The following LAMA2 variants were observed in gnomAD, a reference collection of about 807,000 sequenced individuals.
The protein encoded by LAMA2 is laminin subunit alpha-2.
A neutral mutation model predicts 364.8 loss-of-function variants in LAMA2; 269 were observed. The observed-to-expected ratio is 0.74, with a 90% CI of 0.67 to 0.82. LAMA2 has a LOEUF of 0.82. Among genes scored for constraint, LAMA2 ranks in the 40% least tolerant of loss-of-function variants. The pLI, the probability that LAMA2 is intolerant of heterozygous loss-of-function variation, is 0.00. For synonymous variants in LAMA2, 1,379 were observed against 1,370.6 expected, an observed-to-expected ratio of 1.01 and a Z score of -0.14; for missense variants, 3,807 against 3,873.2, an observed-to-expected ratio of 0.98 and a Z score of 0.45.
chr6:129,259,598 A>G (rs1786976027), intron 14 of LAMA2, among the ~76,000 whole-genome samples: 1 of 152,094 alleles, frequency 6.6e-6, no homozygotes, highest in Admixed American at 6.6e-5. Context: ...TATTTCTTGT[A>G]ATGTTTTGTA....
intron 20 of LAMA2, among the ~76,000 whole-genome samples, chr6:129,295,388 C>T (rs1001981785): frequency 6.6e-6 from 1 of 152,128 alleles, no homozygotes; most frequent in East Asian, 1.9e-4. Context: ...CTCACTGGGT[C>T]TGGATAGCCA....
chr6:129,480,609 T>C (rs2114838022), intron 54 of LAMA2, among the ~76,000 whole-genome samples: 1 of 152,250 alleles, frequency 6.6e-6, no homozygotes, highest in African/African-American at 2.4e-5. Context: ...TGCACAGCTT[T>C]GAGATTGAGA....
chr6:129,258,692 C>CA (rs372319526), intron 14 of LAMA2, among the ~76,000 whole-genome samples: 101 of 152,098 alleles, frequency 6.6e-4, no homozygotes, highest in African/African-American at 2.4e-3. Flanking sequence ...CCCCAAATGT[C>CA]AAAGTTCCTC....
At chr6:129,036,710 G>A (rs1038294490) in intron 1 of LAMA2, among the ~76,000 whole-genome samples, 2 of 151,880 alleles carry the variant, frequency 1.3e-5, no homozygotes, top group Non-Finnish European at 2.9e-5. Flanking sequence ...TTTAGAAGCT[G>A]AAAAGGGCAG....
intron 29 of LAMA2, among the ~76,000 whole-genome samples, chr6:129,331,082 G>C (rs1372051339): frequency 6.6e-6 from 1 of 152,008 alleles, no homozygotes; most frequent in Non-Finnish European, 1.5e-5. Context: ...TGTTAGCCAG[G>C]ATGGACTCGA....
intron 15 of LAMA2, among the ~76,000 whole-genome samples, chr6:129,263,394 A>T (rs925664531): frequency 6.6e-6 from 1 of 152,178 alleles, no homozygotes; most frequent in African/African-American, 2.4e-5. Flanking sequence ...AAGTGGTTGT[A>T]TGAAGGTTAG....
intron 1 of LAMA2, chr6:128,929,935 C>A (rs1341541007): frequency 6.5e-6 from 5 of 773,932 alleles, no homozygotes; most frequent in Non-Finnish European, 1.1e-5. Context: ...GCGCGGCCCA[C>A]AGCCCCACCT....
At chr6:129,514,066 A>C (rs1234325936) in intron 63 of LAMA2, among the ~76,000 whole-genome samples, 1 of 152,204 alleles carries the variant, frequency 6.6e-6, no homozygotes, top group African/African-American at 2.4e-5. Context: ...CCCTGTGTAC[A>C]CTAGGTCCTT....
intron 53 of LAMA2, among the ~76,000 whole-genome samples, chr6:129,477,338 T>G (rs1404767287): frequency 1.3e-5 from 2 of 152,234 alleles, no homozygotes; most frequent in African/African-American, 4.8e-5. Flanking sequence ...CAGGAAGTTC[T>G]GTGGAATAGC....
intron 1 of LAMA2, among the ~76,000 whole-genome samples, chr6:128,939,422 T>C (rs2114537259): frequency 6.6e-6 from 1 of 152,250 alleles, no homozygotes; most frequent in Non-Finnish European, 1.5e-5. Flanking sequence ...ATAACATATA[T>C]ACCTTCACCT....
At chr6:129,068,588 T>A (rs1213237958) in intron 3 of LAMA2, among the ~76,000 whole-genome samples, 1 of 152,230 alleles carries the variant, frequency 6.6e-6, no homozygotes, top group South Asian at 2.1e-4. Flanking sequence ...CCCCATCACC[T>A]AATACCATCA....
At chr6:129,117,050 A>G (rs1222767320) in intron 4 of LAMA2, among the ~76,000 whole-genome samples, 2 of 152,168 alleles carry the variant, frequency 1.3e-5, no homozygotes, top group Admixed American at 6.5e-5. Flanking sequence ...GGGATGAGTT[A>G]GTTATTGCAA....
At chr6:129,115,325 T>G (rs558515205) in intron 4 of LAMA2, among the ~76,000 whole-genome samples, 2 of 152,252 alleles carry the variant, frequency 1.3e-5, no homozygotes, top group South Asian at 4.1e-4. Flanking sequence ...TTGATTTCTC[T>G]TTTTGAAATA....
At chr6:129,477,000 TA>T (rs56224815) in intron 53 of LAMA2, among the ~76,000 whole-genome samples, 1 of 151,984 alleles carries the variant, frequency 6.6e-6, no homozygotes, top group African/African-American at 2.4e-5. Context: ...TTCATTAAGA[TA>T]AAAAAAGGAA....
At chr6:129,505,772 T>G (rs1583922384) in intron 61 of LAMA2, among the ~76,000 whole-genome samples, 1 of 151,970 alleles carries the variant, frequency 6.6e-6, no homozygotes, top group Admixed American at 6.5e-5. Flanking sequence ...GACCTCATGA[T>G]CCGCCTGCCT....
chr6:129,211,877 T>C (rs1021082311), intron 12 of LAMA2, among the ~76,000 whole-genome samples: 1 of 152,304 alleles, frequency 6.6e-6, no homozygotes, highest in East Asian at 1.9e-4. Flanking sequence ...CTATTCTTCT[T>C]CTAACCTCTA....
intron 1 of LAMA2, among the ~76,000 whole-genome samples, chr6:129,038,771 AGGT>A (rs1786861805): frequency 6.6e-6 from 1 of 152,174 alleles, no homozygotes; most frequent in South Asian, 2.1e-4. Flanking sequence ...CCTTGGCAGG[AGGT>A]AGGACACTGC....
At position 129,503,297 on chromosome 6, in the gene LAMA2, T is replaced by C; in HGVS notation, c.8547+17T>C. ...TGGCACAAGGTAATAGTCCCCTGGA[T>C]ATTGGCAGTACCCTAAGGGAATTAC... On this transcript the variant is annotated intron_variant, in intron 60 of 64. Transcript: ENST00000421865. The C allele has an allele frequency of 6.2e-7, 1 of 1,607,038 alleles. No individual in the cohort carries two copies. Among genetic ancestry groups the C allele is most frequent in the Non-Finnish European group, 8.5e-7 (1 of 1,174,910 alleles).
At chr6:128,972,093 C>T (rs1782221754) in intron 1 of LAMA2, among the ~76,000 whole-genome samples, 1 of 152,152 alleles carries the variant, frequency 6.6e-6, no homozygotes, top group African/African-American at 2.4e-5. Flanking sequence ...AGAGGGGAGA[C>T]CAGCCTGTTG....
Sources: gnomAD v4.1 joint callset for allele counts (sites outside exome capture counted in the v4.1 genomes callset) on GRCh38, gnomAD v4.1.1 for gene constraint, MANE v1.5 for transcripts, NCBI Gene and HGNC (gene_info 2026-07-23, HGNC 2026-07-21) for gene names.